TENM3: variants seen among roughly 807,000 people sequenced by gnomAD.
The protein encoded by TENM3 is teneurin-3.
TENM3 carries 63 observed loss-of-function variants against 255.1 expected under a neutral mutation model. The observed-to-expected ratio is 0.25, with a 90% CI of 0.20 to 0.30. The LOEUF (loss-of-function observed/expected upper bound fraction) is 0.30. TENM3 is among the 10% of genes least tolerant of loss of function. The pLI is 1.00. For missense variants in TENM3, 2,929 were observed against 3,461.1 expected (o/e 0.85, Z 3.86); for synonymous variants, 1,306 against 1,322.3 (o/e 0.99, Z 0.27).
intron 5 of TENM3, among the ~76,000 whole-genome samples, chr4:182,647,991 A>G (rs1179139079): frequency 1.3e-5 from 2 of 152,148 alleles, no homozygotes; most frequent in African/African-American, 4.8e-5. Context: ...TTTCCTCCTT[A>G]AAGTTTGCAC....
intron 1 of TENM3, among the ~76,000 whole-genome samples, chr4:182,189,794 G>A (rs755708908): frequency 6.6e-6 from 1 of 152,200 alleles, no homozygotes; most frequent in Non-Finnish European, 1.5e-5. Context: ...GATAGCCCTG[G>A]CTGGCCCACA....
At chr4:181,806,388 C>T in the TENM3 span, among the ~76,000 whole-genome samples, 4 of 152,358 alleles carry the variant, frequency 2.6e-5, no homozygotes, top group South Asian at 2.1e-4. Context: ...TCCCCACCCC[C>T]GGCCTAAATA....
At chr4:181,817,822 A>G in the TENM3 span, among the ~76,000 whole-genome samples, 1 of 152,230 alleles carries the variant, frequency 6.6e-6, no homozygotes, top group African/African-American at 2.4e-5. Context: ...AGCCTCTAGA[A>G]CTGTAAGAAA....
chr4:182,706,284 T>G (rs369800218), intron 12 of TENM3, among the ~76,000 whole-genome samples: 8 of 152,370 alleles, frequency 5.3e-5, no homozygotes, highest in East Asian at 3.9e-4. Flanking sequence ...TTCTCTAATT[T>G]CTTGTGCCTC....
At chr4:182,448,912 G>C in intron 3 of TENM3, 1 of 339,732 alleles carries the variant, frequency 2.9e-6, no homozygotes, top group African/African-American at 2.2e-5. Flanking sequence ...GCGGCGCACC[G>C]CCCCCTCGGC....
chr4:182,252,977 C>T (rs776468713), intron 1 of TENM3, among the ~76,000 whole-genome samples: 1 of 152,136 alleles, frequency 6.6e-6, no homozygotes, highest in Non-Finnish European at 1.5e-5. Flanking sequence ...GTATCAAAGG[C>T]CTTGGCTATA....
the TENM3 span, among the ~76,000 whole-genome samples, chr4:181,570,924 C>T: frequency 2.0e-5 from 3 of 152,206 alleles, no homozygotes; most frequent in African/African-American, 4.8e-5. Flanking sequence ...GGAGCACTGG[C>T]AGTGGGGAAG....
At chr4:182,460,127 A>G (rs1192471842) in intron 3 of TENM3, among the ~76,000 whole-genome samples, 3 of 152,256 alleles carry the variant, frequency 2.0e-5, no homozygotes, top group South Asian at 2.1e-4. Flanking sequence ...TGAAAGTGAA[A>G]ACACGCTGAA....
chr4:181,767,834 G>A, the TENM3 span, among the ~76,000 whole-genome samples: 1 of 152,140 alleles, frequency 6.6e-6, no homozygotes, highest in Non-Finnish European at 1.5e-5. Flanking sequence ...TAATCTAAAT[G>A]AGAAGGAGAA....
At chr4:181,796,327 A>T in the TENM3 span, among the ~76,000 whole-genome samples, 1 of 152,210 alleles carries the variant, frequency 6.6e-6, no homozygotes, top group Non-Finnish European at 1.5e-5. Flanking sequence ...TTCATGAATT[A>T]TACAAGAAGA....
At chr4:181,630,083 G>A in the TENM3 span, among the ~76,000 whole-genome samples, 1 of 152,184 alleles carries the variant, frequency 6.6e-6, no homozygotes, top group East Asian at 1.9e-4. Flanking sequence ...TATGTGTCGA[G>A]GAATTTATCC....
chr4:181,575,476 A>T, the TENM3 span, among the ~76,000 whole-genome samples: 2 of 152,160 alleles, frequency 1.3e-5, no homozygotes, highest in Non-Finnish European at 2.9e-5. Flanking sequence ...AAATGGTACC[A>T]CTGAAAAAAA....
chr4:182,061,692 C>T, the TENM3 span, among the ~76,000 whole-genome samples: 4 of 152,106 alleles, frequency 2.6e-5, no homozygotes, highest in African/African-American at 4.8e-5. Context: ...GGCGTGGCTG[C>T]TCACGCCCGT....
the TENM3 span, among the ~76,000 whole-genome samples, chr4:181,506,768 G>T: frequency 2.0e-5 from 3 of 151,654 alleles, no homozygotes; most frequent in East Asian, 6.2e-4. Flanking sequence ...AGTCAGAGAG[G>T]GATAGCCTTT....
intron 3 of TENM3, among the ~76,000 whole-genome samples, chr4:182,597,647 A>C (rs909943818): frequency 6.6e-6 from 1 of 152,196 alleles, no homozygotes; most frequent in East Asian, 1.9e-4. Flanking sequence ...CTAACCTTAA[A>C]TCTGGCTTTA....
At chr4:181,923,881 G>A in the TENM3 span, among the ~76,000 whole-genome samples, 2,799 of 152,216 alleles carry the variant, frequency 0.018, 43 homozygotes, top group Non-Finnish European at 0.024. Flanking sequence ...AAATCAGTGG[G>A]TAAAAACTGT....
At chr4:182,646,615 G>A (rs1752771325) in intron 5 of TENM3, among the ~76,000 whole-genome samples, 1 of 152,112 alleles carries the variant, frequency 6.6e-6, no homozygotes, top group East Asian at 1.9e-4. Context: ...GGTGGCGGGT[G>A]CCTGTAACCC....
At chr4:182,386,221 T>C (rs1767904706) in intron 3 of TENM3, among the ~76,000 whole-genome samples, 1 of 152,340 alleles carries the variant, frequency 6.6e-6, no homozygotes, top group South Asian at 2.1e-4. Flanking sequence ...ACCCTCATAA[T>C]TGTGAATAGC....
the TENM3 span, among the ~76,000 whole-genome samples, chr4:181,497,404 T>A: frequency 2.0e-5 from 3 of 152,192 alleles, no homozygotes; most frequent in African/African-American, 7.2e-5. Context: ...AGTCCAGCCT[T>A]TTATTTTTGT....
Sources: allele counts gnomAD v4.1 joint callset (sites outside exome capture counted in the v4.1 genomes callset), GRCh38; gene constraint gnomAD v4.1.1; transcripts MANE v1.5; gene names NCBI Gene and HGNC (gene_info 2026-07-23, HGNC 2026-07-21).